Variants in ZBTB47 observed in about 807,000 individuals in gnomAD.
ZBTB47 encodes the protein zinc finger and BTB domain-containing protein 47.
A neutral mutation model predicts 56.6 loss-of-function variants in ZBTB47; 24 were observed. That is an observed-to-expected ratio of 0.42 (90% CI 0.31 to 0.60). The LOEUF (loss-of-function observed/expected upper bound fraction) is 0.60. Among genes scored for constraint, ZBTB47 ranks in the 20% least tolerant of loss-of-function variants. ZBTB47 has a pLI of 0.14. For synonymous variants in ZBTB47, 414 were observed against 418.9 expected, an observed-to-expected ratio of 0.99 and a Z score of 0.14; for missense variants, 829 against 1,032.6, an observed-to-expected ratio of 0.80 and a Z score of 2.70.
Position 42,665,241 on chromosome 3 carries a change from G to A in ZBTB47, c.*643G>A, listed in dbSNP as rs1046361451. On this transcript the variant is annotated 3_prime_UTR_variant, in exon 6 of 6. Coordinates refer to ENST00000232974, the MANE Select transcript of ZBTB47 (RefSeq NM_145166.4). Reference sequence around the variant, plus strand: ...AGACCAGTGCTTCACTGTGTGGAGTGGGGCAGGCAGGGGCTGGACCCCAGG... The same window carrying A: ...AGACCAGTGCTTCACTGTGTGGAGTAGGGCAGGCAGGGGCTGGACCCCAGG... The A allele has an allele frequency of 2.6e-5, 4 of 152,442 alleles. No individual in the cohort carries two copies. The highest frequency in any genetic ancestry group is 9.7e-5 in the African/African-American group (4 of 41,448). 9.4% of individuals were successfully genotyped at this position (152,442 alleles called of 1,614,324 possible).
In ZBTB47 at chr3:42,666,546, A is replaced by T. The variant is rs1710791765; in HGVS notation, c.*1948A>T. Among the ~76,000 whole-genome samples the T allele has an allele frequency of 6.6e-6, 1 of 152,174 alleles. No individual in the cohort carries two copies. The highest frequency in any genetic ancestry group is 6.5e-5 in the Admixed American group (1 of 15,284). On this transcript the variant is annotated 3_prime_UTR_variant, in exon 6 of 6. Coordinates refer to ENST00000232974, the MANE Select transcript of ZBTB47 (RefSeq NM_145166.4). ...AGCTGGCTCACATTTTCCCAAAAAAAGTTGATCTCTCCCAGTGGGCTGTAG... is the reference window on the plus strand; with the variant it reads ...AGCTGGCTCACATTTTCCCAAAAAATGTTGATCTCTCCCAGTGGGCTGTAG...
Position 42,659,128 on chromosome 3 carries a change from G to T in ZBTB47, c.773G>T (p.Gly258Val). The T allele has an allele frequency of 6.7e-7, 1 of 1,501,092 alleles. No individual in the cohort carries two copies. Among genetic ancestry groups the T allele is most frequent in the Non-Finnish European group, 8.9e-7 (1 of 1,128,190 alleles). 93.0% of individuals were successfully genotyped at this position (1,501,092 alleles called of 1,614,324 possible). The change falls in exon 2 of 6, where the codon GGG (glycine) becomes GTG (valine). Residue 258 changes from glycine (G) to valine (V), a missense_variant. By Grantham distance (109) the Gly-to-Val change is moderately radical. Transcript: ENST00000232974. ...STGPEGKPGA[G>V]PSPATVVLGR... Reference sequence around the variant, plus strand: ...GGGCCAGAGGGGAAGCCAGGTGCCGGGCCAAGCCCAGCCACCGTGGTTCTG... The same window carrying T: ...GGGCCAGAGGGGAAGCCAGGTGCCGTGCCAAGCCCAGCCACCGTGGTTCTG...
In ZBTB47 at chr3:42,654,826, A is replaced by T. The variant is rs1168025324; in HGVS notation, c.-82+943A>T. The T allele has an allele frequency of 2.1e-6, 1 of 479,326 alleles. No homozygotes were observed. The highest frequency in any genetic ancestry group is 2.1e-5 in the African/African-American group (1 of 46,780). The allele number at this position is 479,326 out of a possible 1,614,324, so 29.7% of individuals were successfully genotyped here. On this transcript the variant is annotated intron_variant, in intron 1 of 5. Coordinates refer to ENST00000232974, the MANE Select transcript of ZBTB47 (RefSeq NM_145166.4). This position sits in a 1 kb window ranked among gnomAD's most constrained non-coding sequence, Gnocchi z 5.0. ...CCCCCTCCCCCGGTCTCCCGGCTCCATCTGCTGGGTCCCGCGGGCCGGGAA... is the reference window on the plus strand; with the variant it reads ...CCCCCTCCCCCGGTCTCCCGGCTCCTTCTGCTGGGTCCCGCGGGCCGGGAA...
Position 42,659,570 on chromosome 3 carries a change from G to C in ZBTB47, c.1215G>C (p.Lys405Asn). Residue 405 changes from lysine to asparagine, a missense_variant, in exon 2 of 6, where the codon AAG becomes AAC. Lys to Asn is a moderately conservative substitution (Grantham distance 94). Transcript: ENST00000232974. The stretch of plus-strand genomic sequence containing the variant: ...GGCGGCGGGGTGGGAAGAGGCCAAA[G>C]CCACCCCCTGGAGTGGCCTCTGCAT... ...EAGRRGGKRP[K>N]PPPGVASASA... The C allele has an allele frequency of 6.3e-7, 1 of 1,595,228 alleles. No homozygotes were observed. Among genetic ancestry groups the C allele is most frequent in the Non-Finnish European group, 8.5e-7 (1 of 1,170,850 alleles).
In ZBTB47 at chr3:42,663,753, C is replaced by T. The variant is rs769029923; in HGVS notation, c.1738-44C>T. On this transcript the variant is annotated intron_variant, in intron 4 of 5. Coordinates refer to ENST00000232974, the MANE Select transcript of ZBTB47 (RefSeq NM_145166.4). The surrounding 1 kb of genome is among the most constrained non-coding windows in gnomAD (Gnocchi z 5.1). Reference sequence around the variant, plus strand: ...AGCTGTTCCCTCCACAAAGGCTGCTCTTCTGCTCTGTGCCTGGGCCTCACC... The same window carrying T: ...AGCTGTTCCCTCCACAAAGGCTGCTTTTCTGCTCTGTGCCTGGGCCTCACC... 20 of 1,607,786 alleles carry T rather than the reference C, an allele frequency of 1.2e-5. No homozygotes were observed. Among genetic ancestry groups the T allele is most frequent in the Admixed American group, 1.7e-5 (1 of 59,734 alleles).
Position 42,659,020 on chromosome 3 carries a change from G to A in ZBTB47, c.665G>A (p.Gly222Asp), listed in dbSNP as rs1159683727. 1.3e-6 allele frequency: 2 copies of A among 1,530,730 alleles called. No homozygotes were observed. Among genetic ancestry groups the A allele is most frequent in the East Asian group, 2.4e-5 (1 of 40,838 alleles). The allele number at this position is 1,530,730 out of a possible 1,614,324, so 94.8% of individuals were successfully genotyped here. A position where few individuals can be genotyped will look rare whatever the true frequency, so the allele number is the denominator to read the frequency against. ...GAAGAGTTGGAGGAAGAGCTTGGGG[G>A]TTCTGGCACCTACAGCCGCAGGGAG... ...GGEELEEELG[G>D]SGTYSRREQS... Residue 222 changes from glycine (G) to aspartate (D), a missense_variant, in exon 2 of 6, where the codon GGT (glycine) becomes GAT (aspartate). By Grantham distance (94) the Gly-to-Asp change is moderately conservative. Coordinates refer to ENST00000232974, the MANE Select transcript of ZBTB47 (RefSeq NM_145166.4).
rs1710616793 is a variant in ZBTB47 at position 42,654,771 on chromosome 3, G to A, written c.-82+888G>A. The A allele has an allele frequency of 5.2e-6, 5 of 958,754 alleles. No individual in the cohort carries two copies. The highest frequency in any genetic ancestry group is 6.2e-6 in the Non-Finnish European group (5 of 805,706). 59.4% of individuals were successfully genotyped at this position (958,754 alleles called of 1,614,324 possible). A position where few individuals can be genotyped will look rare whatever the true frequency, so the allele number is the denominator to read the frequency against. ...TGACCTCCCAGGCACACGGCCCGCG[G>A]GCCCGGGTGGAGGGGCTGGAGGGAT... On this transcript the variant is annotated intron_variant, in intron 1 of 5. Coordinates refer to ENST00000232974, the MANE Select transcript of ZBTB47 (RefSeq NM_145166.4). This position sits in a 1 kb window ranked among gnomAD's most constrained non-coding sequence, Gnocchi z 5.0.
rs1295488531 is a variant in ZBTB47, at chr3:42,666,096, T to A, written c.*1498T>A. On this transcript the variant is annotated 3_prime_UTR_variant, in exon 6 of 6. Transcript: ENST00000232974. ...TCTGACCTTATGAGGCCCATGGCACTGGGGCAGGGAGCTGGGGACATTTTA... is the reference window on the plus strand; with the variant it reads ...TCTGACCTTATGAGGCCCATGGCACAGGGGCAGGGAGCTGGGGACATTTTA... Among the ~76,000 whole-genome samples, 4 of 152,204 alleles carry A rather than the reference T, an allele frequency of 2.6e-5. No individual in the cohort carries two copies. The highest frequency in any genetic ancestry group is 5.9e-5 in the Non-Finnish European group (4 of 68,034).
intron 1 of ZBTB47, 122 bp from the exon 2 acceptor site, chr3:42,658,151 TAA>T: frequency 9.2e-7 from 1 of 1,092,672 alleles, no homozygotes; most frequent in Non-Finnish European, 1.3e-6. Flanking sequence ...TCTGTTGCTG[TAA>T]AGTGGAGCCA....
upstream of ZBTB47, among the ~76,000 whole-genome samples, chr3:42,653,317 T>C (rs1201516047): frequency 6.6e-6 from 1 of 152,158 alleles, no homozygotes; most frequent in African/African-American, 2.4e-5. Flanking sequence ...CACTCGTGAG[T>C]AGGACAACAT....
In ZBTB47 at chr3:42,661,578, G is replaced by A. The variant is rs778441568; in HGVS notation, c.1567G>A (p.Glu523Lys). 4 of 1,613,948 alleles carry A rather than the reference G, an allele frequency of 2.5e-6. No homozygotes were observed. The highest frequency in any genetic ancestry group is 2.2e-5 in the East Asian group (1 of 44,902). ...CTACGCAGAGAAGAAGTTCTCATGC[G>A]AGATCTGTGAGAAGAAGTTCTACAC... ...HGYAEKKFSC[E>K]ICEKKFYTMA... is the part of the protein sequence containing the mutation. Residue 523 changes from glutamate (E) to lysine (K), a missense_variant, in exon 3 of 6, where the codon GAG (glutamate) becomes AAG (lysine). Coordinates refer to ENST00000232974, the MANE Select transcript of ZBTB47 (RefSeq NM_145166.4).
At position 42,664,499 on chromosome 3, in the gene ZBTB47, G is replaced by T; in HGVS notation, c.2145G>T (p.Gly715=). Residue 715 remains glycine, a synonymous_variant, in exon 6 of 6, where the codon GGG becomes GGT. Coordinates refer to ENST00000232974, the MANE Select transcript of ZBTB47 (RefSeq NM_145166.4). ...PQAHALPLLP[G]LPQTLPPPPH... ...CGCACGCACTGCCCCTGCTCCCGGG[G>T]CTGCCCCAGACCCTGCCGCCCCCGC... 4.0e-6 allele frequency: 6 copies of T among 1,491,160 alleles called. No homozygotes were observed. The highest frequency in any genetic ancestry group is 5.3e-6 in the Non-Finnish European group (6 of 1,125,206). The allele number at this position is 1,491,160 out of a possible 1,614,324, so 92.4% of individuals were successfully genotyped here.
At chr3:42,658,125 C>T (rs1710659365) in intron 1 of ZBTB47, 150 bp from the exon 2 acceptor site, 1 of 834,094 alleles carries the variant, frequency 1.2e-6, no homozygotes, top group Non-Finnish European at 1.8e-6. Context: ...TGAATCCCTT[C>T]CTTGCTAGTT....
At chr3:42,661,445 G>T (rs745575735) in intron 2 of ZBTB47, 40 bp from the exon 3 acceptor site, 3 of 1,603,662 alleles carry the variant, frequency 1.9e-6, no homozygotes, top group Non-Finnish European at 2.6e-6. Flanking sequence ...AAGACCCTGG[G>T]GACTCAGGAC....
rs1178757440 is a variant in ZBTB47, at chr3:42,667,258, G to A, written c.*2660G>A. 6.6e-6 allele frequency among the ~76,000 whole-genome samples: 1 copy of A among 152,226 alleles called. No homozygotes were observed. Among genetic ancestry groups the A allele is most frequent in the African/African-American group, 2.4e-5 (1 of 41,460 alleles). ...CTGGACTTCTCAGCCTGTTTGGCTAGAACTCAGGCCTGGAGTCTGGGTCTG... is the reference window on the plus strand; with the variant it reads ...CTGGACTTCTCAGCCTGTTTGGCTAAAACTCAGGCCTGGAGTCTGGGTCTG... On this transcript the variant is annotated 3_prime_UTR_variant, in exon 6 of 6. Coordinates refer to ENST00000232974, the MANE Select transcript of ZBTB47 (RefSeq NM_145166.4).
In ZBTB47 at chr3:42,657,653, C is replaced by T. The variant is rs186664719; in HGVS notation, c.-81-622C>T. Among the ~76,000 whole-genome samples the T allele has an allele frequency of 6.1e-4, 93 of 152,314 alleles. 1 individual carries two copies. The East Asian group carries it at 0.015, about 24-fold the overall frequency. On this transcript the variant is annotated intron_variant, in intron 1 of 5. Coordinates refer to ENST00000232974, the MANE Select transcript of ZBTB47 (RefSeq NM_145166.4). The stretch of plus-strand genomic sequence containing the variant: ...TTCTGCAGCAGCCACATGGCTGTTG[C>T]GATGAGGGGTTCCCTCAGGTGCTAC...
rs2125837367 is a variant in ZBTB47, at chr3:42,659,473, C to T, written c.1118C>T (p.Pro373Leu). Residue 373 changes from proline to leucine, a missense_variant, in exon 2 of 6, where the codon CCC becomes CTC. Pro to Leu is a moderately conservative substitution (Grantham distance 98). This residue lies in a region of ZBTB47 where 359 missense variants were observed against 359.8 expected (regional missense o/e 1.00). Transcript: ENST00000232974. ...GSRSSRADPP[P>L]HSHMATRSRE... ...CGAAGCAGCCGGGCAGACCCCCCTCCCCACAGTCACATGGCCACACGGTCC... is the reference window on the plus strand; with the variant it reads ...CGAAGCAGCCGGGCAGACCCCCCTCTCCACAGTCACATGGCCACACGGTCC... 6.6e-7 allele frequency: 1 copy of T among 1,520,674 alleles called. No homozygotes were observed. Among genetic ancestry groups the T allele is most frequent in the Non-Finnish European group, 8.8e-7 (1 of 1,139,524 alleles). The allele number at this position is 1,520,674 out of a possible 1,614,324, so 94.2% of individuals were successfully genotyped here.
At chr3:42,655,723 C>A (rs1710633883) in intron 1 of ZBTB47, among the ~76,000 whole-genome samples, 1 of 152,172 alleles carries the variant, frequency 6.6e-6, no homozygotes, top group Non-Finnish European at 1.5e-5. Flanking sequence ...GTGGCTGAAC[C>A]CTGCTGAGGG....
chr3:42,659,837 C>T lies in ZBTB47; in HGVS notation c.1473+9C>T, dbSNP rs1450477007. The T allele has an allele frequency of 1.3e-6, 2 of 1,589,864 alleles. No individual in the cohort carries two copies. Among genetic ancestry groups the T allele is most frequent in the Non-Finnish European group, 8.6e-7 (1 of 1,166,202 alleles). On this transcript the variant is annotated intron_variant, in intron 2 of 5. Transcript: ENST00000232974. ...GCGAGCGCAACATCCAGGTGGGCCT[C>T]ACGTGGCTGGGGGCAGGGCAGAGGC...
Sources: allele counts gnomAD v4.1 joint callset (sites outside exome capture counted in the v4.1 genomes callset), GRCh38; gene constraint gnomAD v4.1.1; regional missense constraint gnomAD v4.1.1; non-coding constraint Gnocchi (gnomAD v3.1); transcripts MANE v1.5; gene names NCBI Gene and HGNC (gene_info 2026-07-23, HGNC 2026-07-21).